SLC12A6: variants seen among roughly 807,000 people sequenced by gnomAD.
The protein encoded by SLC12A6 is solute carrier family 12 member 6.
In SLC12A6, 66 loss-of-function variants were observed where a neutral mutation model predicts 135.3. The ratio of observed to expected loss-of-function variants is 0.49; its 90% CI spans 0.40 to 0.60. The LOEUF is 0.60. Ranked by LOEUF, SLC12A6 falls within the 20% of genes least tolerant of loss-of-function variation. SLC12A6 has a pLI of 0.00. For synonymous variants in SLC12A6, 513 were observed against 508.8 expected (o/e 1.01, Z -0.11); for missense variants, 1,058 against 1,452.3 (o/e 0.73, Z 4.41).
chr15:34,229,808 G>C lies in SLC12A6; in HGVS notation c.*4073C>G. Reference sequence around the variant, plus strand: ...TTGTGAACATGAGAAAGCAGCGCCTGGTCCCTATGTATTTGGGTCTTATTT... The same window carrying C: ...TTGTGAACATGAGAAAGCAGCGCCTCGTCCCTATGTATTTGGGTCTTATTT... On this transcript the variant is annotated 3_prime_UTR_variant, in exon 26 of 26. Coordinates refer to ENST00000354181, the MANE Select transcript of SLC12A6 (RefSeq NM_001365088.1). 1 of 1,612,108 alleles carries C rather than the reference G, an allele frequency of 6.2e-7. No individual in the cohort carries two copies. The highest frequency in any genetic ancestry group is 8.5e-7 in the Non-Finnish European group (1 of 1,178,232).
intron 2 of SLC12A6, among the ~76,000 whole-genome samples, chr15:34,323,004 GGAAA>G (rs1476040980): frequency 1.7e-5 from 2 of 116,894 alleles, no homozygotes; most frequent in African/African-American, 3.6e-5. Flanking sequence ...AAAAAAAAAA[GGAAA>G]GAAAGAAAAA....
At chr15:34,319,188 T>C (rs903957625) in intron 2 of SLC12A6, among the ~76,000 whole-genome samples, 1 of 148,938 alleles carries the variant, frequency 6.7e-6, no homozygotes, top group African/African-American at 2.5e-5. Context: ...CAGCCTGGAG[T>C]GCAGTAGTGC....
chr15:34,243,732 A>G (rs973313776), intron 16 of SLC12A6, among the ~76,000 whole-genome samples: 1 of 152,240 alleles, frequency 6.6e-6, no homozygotes, highest in Non-Finnish European at 1.5e-5. Context: ...AAATTATAGA[A>G]GGCTGGATAT....
chr15:34,249,739 C>T (rs1333857401), intron 13 of SLC12A6, among the ~76,000 whole-genome samples: 4 of 152,154 alleles, frequency 2.6e-5, no homozygotes, highest in Non-Finnish European at 4.4e-5. Flanking sequence ...CTTTTGGTCT[C>T]GTTTCTGAAC....
At chr15:34,263,100 G>A (rs1230855635) in intron 3 of SLC12A6, among the ~76,000 whole-genome samples, 1 of 152,000 alleles carries the variant, frequency 6.6e-6, no homozygotes, top group Admixed American at 6.6e-5. Flanking sequence ...ACCTGTACAT[G>A]TACCCTCTAA....
rs1890844770 is a variant in SLC12A6, at chr15:34,230,418, G to A, written c.*3463C>T. On this transcript the variant is annotated 3_prime_UTR_variant, in exon 26 of 26. Coordinates refer to ENST00000354181, the MANE Select transcript of SLC12A6 (RefSeq NM_001365088.1). The stretch of plus-strand genomic sequence containing the variant: ...GGATTGGTGGGATCCTTGGGCCACA[G>A]GAATCTGAGGCAACGGAAGATATAT... The A allele has an allele frequency of 1.3e-5, 2 of 152,604 alleles. No homozygotes were observed. The highest frequency in any genetic ancestry group is 4.8e-5 in the African/African-American group (2 of 41,452). 9.5% of individuals were successfully genotyped at this position (152,604 alleles called of 1,614,324 possible). A position where few individuals can be genotyped will look rare whatever the true frequency, so the allele number is the denominator to read the frequency against.
Position 34,233,667 on chromosome 15 carries a change from A to G in SLC12A6, c.*214T>C. 1 of 558,688 alleles carries G rather than the reference A, an allele frequency of 1.8e-6. No individual in the cohort carries two copies. The allele number at this position is 558,688 out of a possible 1,614,324, so 34.6% of individuals were successfully genotyped here. On this transcript the variant is annotated 3_prime_UTR_variant, in exon 26 of 26. Coordinates refer to ENST00000354181, the MANE Select transcript of SLC12A6 (RefSeq NM_001365088.1). ...CTTGAAAGACTTGAGCATTGTTCTG[A>G]TGTTGAGGGAATATTTGCTTTTTCT...
chr15:34,237,859 TTTAC>T (rs1891378163), intron 21 of SLC12A6, among the ~76,000 whole-genome samples: 1 of 152,240 alleles, frequency 6.6e-6, no homozygotes, highest in African/African-American at 2.4e-5. Flanking sequence ...AGACTATATA[TTTAC>T]TATTTTAAAT....
chr15:34,336,827 TAAGAA>T, intron 1 of SLC12A6, 75 bp from the exon 2 acceptor site: 1 of 698,582 alleles, frequency 1.4e-6, no homozygotes, highest in African/African-American at 1.8e-5. Flanking sequence ...AAGCCCCAAC[TAAGAA>T]TACTTCTACT....
rs142451941 is a variant in SLC12A6, at chr15:34,231,222, T to C, written c.*2659A>G. 1.0e-2 allele frequency: 1,519 copies of C among 152,346 alleles called. 29 individuals are homozygous for C. The highest frequency in any genetic ancestry group is 0.035 in the African/African-American group (1,459 of 41,504). The allele number at this position is 152,346 out of a possible 1,614,324, so 9.4% of individuals were successfully genotyped here. A position where few individuals can be genotyped will look rare whatever the true frequency, so the allele number is the denominator to read the frequency against. ...TACTGAAAATACAAAATTAGCTGGG[T>C]GTGGTGGCACATGCTTGTAATTCCA... On this transcript the variant is annotated 3_prime_UTR_variant, in exon 26 of 26. Coordinates refer to ENST00000354181, the MANE Select transcript of SLC12A6 (RefSeq NM_001365088.1).
chr15:34,302,328 T>G (rs1166381518), intron 2 of SLC12A6, among the ~76,000 whole-genome samples: 1 of 152,020 alleles, frequency 6.6e-6, no homozygotes, highest in Non-Finnish European at 1.5e-5. Context: ...GAAAAAAAAC[T>G]TACTAAGAAA....
chr15:34,260,643 T>C (rs1377070832), intron 4 of SLC12A6, among the ~76,000 whole-genome samples: 1 of 152,222 alleles, frequency 6.6e-6, no homozygotes, highest in Non-Finnish European at 1.5e-5. Flanking sequence ...AGAAAGATTA[T>C]TCTAATAAAA....
In SLC12A6 at chr15:34,254,607, A is replaced by G; in HGVS notation, c.877-18T>C. ...ATATAGACCTGTTAGGTAAAAATAA[A>G]GGAGAAAATTAGGTTATTTCAAAAT... On this transcript the variant is annotated intron_variant, in intron 8 of 25. Coordinates refer to ENST00000354181, the MANE Select transcript of SLC12A6 (RefSeq NM_001365088.1). 6.3e-7 allele frequency: 1 copy of G among 1,581,942 alleles called. No homozygotes were observed. Among genetic ancestry groups the G allele is most frequent in the Non-Finnish European group, 8.7e-7 (1 of 1,150,702 alleles).
intron 16 of SLC12A6, among the ~76,000 whole-genome samples, chr15:34,242,518 C>T (rs1218652832): frequency 1.3e-5 from 2 of 152,162 alleles, no homozygotes; most frequent in African/African-American, 4.8e-5. Flanking sequence ...CTGTCCTTTG[C>T]AACAGAAGAT....
rs747237563 is a variant in SLC12A6, at chr15:34,236,789, A to C, written c.2961T>G (p.Thr987=). Residue 987 remains threonine (T), a synonymous_variant, in exon 23 of 26, where the codon ACT becomes ACG. Transcript: ENST00000354181. The part of the protein sequence containing the change: ...EMHDSDISAY[T]YERTLMMEQR... Reference sequence around the variant, plus strand: ...GTTCCATCATCAAAGTGCGCTCGTAAGTATATGCTGATATATCACTGTCAT... The same window carrying C: ...GTTCCATCATCAAAGTGCGCTCGTACGTATATGCTGATATATCACTGTCAT... The C allele has an allele frequency of 6.2e-6, 10 of 1,610,660 alleles. No individual in the cohort carries two copies. Among genetic ancestry groups the C allele is most frequent in the Admixed American group, 1.7e-5 (1 of 59,990 alleles).
At chr15:34,330,509 CA>C (rs34691564) in intron 2 of SLC12A6, among the ~76,000 whole-genome samples, 26,182 of 148,462 alleles carry the variant, frequency 0.18, 2,642 homozygotes, top group East Asian at 0.33. Context: ...CTTGTCTCTA[CA>C]AAAAAAAAAT....
intron 2 of SLC12A6, among the ~76,000 whole-genome samples, chr15:34,331,353 C>T (rs1889833063): frequency 6.6e-6 from 1 of 152,174 alleles, no homozygotes; most frequent in Non-Finnish European, 1.5e-5. Context: ...GTTGGCCAGG[C>T]TGGTCTCGAA....
At chr15:34,297,059 T>C (rs1442225411) in intron 2 of SLC12A6, among the ~76,000 whole-genome samples, 1 of 152,214 alleles carries the variant, frequency 6.6e-6, no homozygotes, top group Non-Finnish European at 1.5e-5. Flanking sequence ...CATCCTGCCA[T>C]TAACCCAGCT....
In SLC12A6 at chr15:34,311,867, G is replaced by A. The variant is rs1888283792; in HGVS notation, c.271+24543C>T. ...CCTTTGTATTGTTCTTTTTATCATT[G>A]CCTCTAAACCTTCCTGCAAGAATTG... On this transcript the variant is annotated intron_variant, in intron 2 of 25. Coordinates refer to ENST00000354181, the MANE Select transcript of SLC12A6 (RefSeq NM_001365088.1). Among the ~76,000 whole-genome samples, 5 of 151,594 alleles carry A rather than the reference G, an allele frequency of 3.3e-5. No individual in the cohort carries two copies. In the South Asian group the frequency reaches 1.0e-3, roughly 31 times the overall value.
Sources: allele counts gnomAD v4.1 joint callset (sites outside exome capture counted in the v4.1 genomes callset), GRCh38; gene constraint gnomAD v4.1.1; transcripts MANE v1.5; gene names NCBI Gene and HGNC (gene_info 2026-07-23, HGNC 2026-07-21).